Variants in MACROD2 observed in about 807,000 individuals in gnomAD.
The protein encoded by MACROD2 is mono-ADP ribosylhydrolase 2, also known as ADP-ribose glycohydrolase MACROD2.
MACROD2 carries 36 observed loss-of-function variants against 70.4 expected under a neutral mutation model. The observed-to-expected ratio is 0.51, with a 90% confidence interval of 0.39 to 0.68. MACROD2 has a LOEUF of 0.68. Among genes scored for constraint, MACROD2 ranks in the 30% least tolerant of loss-of-function variants. The probability of loss-of-function intolerance (pLI) is 0.00; values close to 1 mark genes in which losing one functional copy is unlikely to be tolerated. For synonymous variants in MACROD2, 172 were observed against 178.8 expected (o/e 0.96, Z 0.30); for missense variants, 496 against 538.4 (o/e 0.92, Z 0.78).
At chr20:15,848,306 C>T (rs1285513015) in intron 8 of MACROD2, among the ~76,000 whole-genome samples, 7 of 152,050 alleles carry the variant, frequency 4.6e-5, no homozygotes, top group African/African-American at 1.2e-4. Context: ...TCCCAGCCCC[C>T]GTGCAGGATC....
intron 4 of MACROD2, among the ~76,000 whole-genome samples, chr20:14,666,082 G>A (rs985238568): frequency 6.6e-6 from 1 of 152,010 alleles, no homozygotes; most frequent in African/African-American, 2.4e-5. Flanking sequence ...ACCATGGCCC[G>A]TGAGGCATGG....
intron 5 of MACROD2, among the ~76,000 whole-genome samples, chr20:15,016,253 C>T (rs2122948696): frequency 6.6e-6 from 1 of 152,254 alleles, no homozygotes; most frequent in East Asian, 1.9e-4. Context: ...AATACAATCA[C>T]ATGTTATGGG....
intron 12 of MACROD2, 88 bp downstream of exon 12, chr20:15,937,632 T>A (rs1181347785): frequency 9.7e-6 from 12 of 1,233,292 alleles, no homozygotes; most frequent in Non-Finnish European, 1.3e-5. Context: ...AAGCAGCAAG[T>A]CAAATATAAC....
chr20:15,011,204 T>A (rs2075079809), intron 5 of MACROD2, among the ~76,000 whole-genome samples: 1 of 152,194 alleles, frequency 6.6e-6, no homozygotes, highest in Admixed American at 6.5e-5. Flanking sequence ...CTTTCTGATC[T>A]GAGACAGTTT....
At position 15,628,663 on chromosome 20, in the gene MACROD2, A is replaced by T. The variant is rs193175349; in HGVS notation, c.645+128816A>T. ...ATTATACAAGACATGGACAAAGGAC[A>T]CTCAGTGCCATTCAGCTGGCAGATG... is the stretch of plus-strand genomic sequence containing the variant. On this transcript the variant is annotated intron_variant, in intron 8 of 17. Transcript: ENST00000684519. Among the ~76,000 whole-genome samples the T allele has an allele frequency of 4.6e-5, 7 of 152,342 alleles. No individual in the cohort carries two copies. In the East Asian group the frequency reaches 1.3e-3, roughly 29 times the overall value.
chr20:15,676,898 C>T (rs886994915), intron 8 of MACROD2, among the ~76,000 whole-genome samples: 1 of 151,554 alleles, frequency 6.6e-6, no homozygotes, highest in Non-Finnish European at 1.5e-5. Flanking sequence ...CCTGATTTGG[C>T]AACAACAACA....
At chr20:14,781,934 C>T (rs868520217) in intron 5 of MACROD2, among the ~76,000 whole-genome samples, 40 of 150,182 alleles carry the variant, frequency 2.7e-4, no homozygotes, top group African/African-American at 9.5e-4. Context: ...TTTCTTTTTC[C>T]TTTTTTTTTG....
chr20:14,463,230 C>T (rs999677530), intron 3 of MACROD2, among the ~76,000 whole-genome samples: 8 of 151,954 alleles, frequency 5.3e-5, no homozygotes, highest in Admixed American at 5.2e-4. Flanking sequence ...GTTTGTAGTT[C>T]TCCTTGAAGA....
At position 15,101,533 on chromosome 20, in the gene MACROD2, T is replaced by TAAAAAAAAAAAAA. The variant is rs1568573864; in HGVS notation, c.419-128407_419-128406insAAAAAAAAAAAAA. On this transcript the variant is annotated intron_variant, in intron 5 of 17. Coordinates refer to ENST00000684519, the MANE Select transcript of MACROD2 (RefSeq NM_001351661.2). ...CAGCACAGATAACCCAGGTGTTGGT[T>TAAAAAAAAAAAAA]CAAAAAAAAAAAAAAGCATTCTGGA... is the stretch of plus-strand genomic sequence containing the variant. 8.6e-3 allele frequency among the ~76,000 whole-genome samples: 64 copies of TAAAAAAAAAAAAA among 7,476 alleles called. 2 individuals carry two copies. The highest frequency in any genetic ancestry group is 0.014 in the African/African-American group (61 of 4,336). 4.9% of individuals were successfully genotyped at this position (7,476 alleles called of 152,430 possible).
intron 3 of MACROD2, chr20:14,352,397 A>G (rs1367994955): frequency 6.6e-6 from 1 of 152,174 alleles, no homozygotes; most frequent in African/African-American, 2.4e-5. Context: ...AAGGATGACA[A>G]GCAAATTTGT....
chr20:15,021,590 A>G (rs1166368771), intron 5 of MACROD2: 2 of 151,394 alleles, frequency 1.3e-5, no homozygotes, highest in East Asian at 3.9e-4. Context: ...CATGTCATCC[A>G]TGCACAGGGG....
chr20:15,100,495 G>A (rs1446588822), intron 5 of MACROD2, among the ~76,000 whole-genome samples: 1 of 152,180 alleles, frequency 6.6e-6, no homozygotes, highest in African/African-American at 2.4e-5. Context: ...TGAAGTCCCT[G>A]TACAGTTGAG....
At chr20:14,051,863 T>A in intron 2 of MACROD2, 1 of 508,716 alleles carries the variant, frequency 2.0e-6, no homozygotes, top group East Asian at 5.5e-5. Flanking sequence ...ATGGATATGA[T>A]CCTTGGTTTC....
chr20:14,362,068 C>A (rs1226238908), intron 3 of MACROD2, among the ~76,000 whole-genome samples: 3 of 152,328 alleles, frequency 2.0e-5, no homozygotes, highest in African/African-American at 7.2e-5. Context: ...CAAGTGTCAG[C>A]TTCTGTAATG....
intron 6 of MACROD2, among the ~76,000 whole-genome samples, chr20:15,278,927 G>A (rs376017921): frequency 3.9e-5 from 6 of 152,160 alleles, no homozygotes; most frequent in African/African-American, 1.2e-4. Context: ...AACTTTTCCT[G>A]AATGTGAAAT....
chr20:15,174,467 T>C (rs1344157128), intron 5 of MACROD2, among the ~76,000 whole-genome samples: 1 of 152,212 alleles, frequency 6.6e-6, no homozygotes, highest in Admixed American at 6.5e-5. Flanking sequence ...TAAACATATG[T>C]GTGCATGTGT....
intron 12 of MACROD2, among the ~76,000 whole-genome samples, chr20:15,938,609 C>T (rs1040437371): frequency 6.6e-6 from 1 of 152,058 alleles, no homozygotes; most frequent in African/African-American, 2.4e-5. Flanking sequence ...TTTTCTCGGG[C>T]CTCCCTATCC....
chr20:14,648,260 T>G (rs1225706874), intron 4 of MACROD2, among the ~76,000 whole-genome samples: 42 of 152,082 alleles, frequency 2.8e-4, no homozygotes, highest in Non-Finnish European at 7.4e-5. Context: ...TAAAGTAGAG[T>G]GGGTCACTAT....
At chr20:14,757,868 C>T in intron 5 of MACROD2, 2 of 1,495,408 alleles carry the variant, frequency 1.3e-6, no homozygotes, top group Non-Finnish European at 9.3e-7. Context: ...GACTGGCAGG[C>T]CTCGGCCTAA....
Sources: gnomAD v4.1 joint callset for allele counts (sites outside exome capture counted in the v4.1 genomes callset) on GRCh38, gnomAD v4.1.1 for gene constraint, MANE v1.5 for transcripts, NCBI Gene and HGNC (gene_info 2026-07-23, HGNC 2026-07-21) for gene names.